Variants in BACH2 observed in about 807,000 individuals in gnomAD.
BACH2 encodes the protein transcription regulator protein BACH2.
BACH2 carries 5 observed loss-of-function variants against 61.8 expected under a neutral mutation model. The ratio of observed to expected loss-of-function variants is 0.08; its 90% CI spans 0.04 to 0.17. The LOEUF (loss-of-function observed/expected upper bound fraction) is 0.17. BACH2 is among the 10% of genes least tolerant of loss of function. The pLI is 1.00. For missense variants in BACH2, 824 were observed against 1,091.1 expected (o/e 0.76, Z 3.45); for synonymous variants, 446 against 440.1 (o/e 1.01, Z -0.17).
chr6:90,057,681 T>C (rs182812083), intron 5 of BACH2, among the ~76,000 whole-genome samples: 286 of 152,258 alleles, frequency 1.9e-3, no homozygotes, highest in African/African-American at 6.4e-3. Flanking sequence ...AAAAAGAGAA[T>C]TTTAGACCAA....
chr6:90,260,152 A>G (rs76937856), intron 2 of BACH2, among the ~76,000 whole-genome samples: 3,102 of 152,022 alleles, frequency 0.02, 128 homozygotes, highest in African/African-American at 0.071. Context: ...TATTCATTTG[A>G]GATCTTTCTT....
At chr6:89,975,127 G>T (rs1775579847) in intron 6 of BACH2, among the ~76,000 whole-genome samples, 1 of 152,168 alleles carries the variant, frequency 6.6e-6, no homozygotes, top group Non-Finnish European at 1.5e-5. Flanking sequence ...ATTGATTTTG[G>T]GCTTCATGAT....
At chr6:90,238,399 T>TA (rs1276426673) in intron 3 of BACH2, among the ~76,000 whole-genome samples, 1 of 152,236 alleles carries the variant, frequency 6.6e-6, no homozygotes, top group Admixed American at 6.5e-5. Context: ...TTAAATTTCT[T>TA]AGAGTATTTG....
chr6:90,139,750 G>C (rs77517160), intron 4 of BACH2, among the ~76,000 whole-genome samples: 1 of 152,140 alleles, frequency 6.6e-6, no homozygotes, highest in African/African-American at 2.4e-5. Context: ...CCACACAGGT[G>C]GGGGTGGAGG....
chr6:89,972,698 A>C (rs1562336104), intron 6 of BACH2, among the ~76,000 whole-genome samples: 1 of 152,128 alleles, frequency 6.6e-6, no homozygotes, highest in African/African-American at 2.4e-5. Context: ...GTTTCTGCCT[A>C]ATGTAGGATT....
intron 5 of BACH2, among the ~76,000 whole-genome samples, chr6:90,045,320 G>C (rs1389009546): frequency 6.6e-6 from 1 of 152,164 alleles, no homozygotes; most frequent in African/African-American, 2.4e-5. Flanking sequence ...CCTACTTCAG[G>C]CGTCTTGGTA....
chr6:90,121,698 C>T (rs1322483565), intron 4 of BACH2, among the ~76,000 whole-genome samples: 1 of 151,964 alleles, frequency 6.6e-6, no homozygotes. Context: ...GCGTCCACCA[C>T]CATACCCAGC....
intron 2 of BACH2, among the ~76,000 whole-genome samples, chr6:90,262,325 T>C (rs1022106178): frequency 4.6e-5 from 7 of 152,132 alleles, no homozygotes; most frequent in Non-Finnish European, 7.3e-5. Context: ...CAATGTTTGG[T>C]TTGGGATTCA....
intron 7 of BACH2, among the ~76,000 whole-genome samples, chr6:89,938,816 TA>T (rs1228890157): frequency 6.6e-6 from 1 of 152,148 alleles, no homozygotes; most frequent in African/African-American, 2.4e-5. Context: ...GTGTGATTCT[TA>T]GTTACAATAG....
chr6:90,217,335 C>G (rs1198278811), intron 3 of BACH2, among the ~76,000 whole-genome samples: 1 of 152,042 alleles, frequency 6.6e-6, no homozygotes, highest in African/African-American at 2.4e-5. Flanking sequence ...ATATCTAGCT[C>G]TGGAAAAAAC....
At chr6:90,026,808 C>T (rs1456627788) in intron 5 of BACH2, among the ~76,000 whole-genome samples, 1 of 152,134 alleles carries the variant, frequency 6.6e-6, no homozygotes, top group Non-Finnish European at 1.5e-5. Context: ...GAAACTTGCT[C>T]CTTTCATGCA....
chr6:90,011,932 A>ATGTG (rs71027919), intron 5 of BACH2, among the ~76,000 whole-genome samples: 22,232 of 113,624 alleles, frequency 0.2, 2,316 homozygotes, highest in East Asian at 0.29. Context: ...AAAAAAAAAT[A>ATGTG]TGTGTGTGTG....
chr6:89,970,174 A>C (rs1053159443), intron 6 of BACH2, among the ~76,000 whole-genome samples: 2 of 152,230 alleles, frequency 1.3e-5, no homozygotes, highest in African/African-American at 4.8e-5. Flanking sequence ...GAGGATGTGA[A>C]GGGCAACAGA....
intron 6 of BACH2, among the ~76,000 whole-genome samples, chr6:89,963,612 T>C (rs71556344): frequency 0.092 from 13,972 of 152,184 alleles, 747 homozygotes; most frequent in East Asian, 0.2. Flanking sequence ...GTTGAAGAGA[T>C]TGCAAAATAG....
intron 6 of BACH2, among the ~76,000 whole-genome samples, chr6:89,970,860 C>T (rs1412175607): frequency 1.3e-5 from 2 of 152,162 alleles, no homozygotes; most frequent in Non-Finnish European, 2.9e-5. Context: ...ATTTCTATAT[C>T]TGGGTCGCAG....
chr6:90,247,579 C>T (rs1313971588), intron 3 of BACH2, among the ~76,000 whole-genome samples: 2 of 152,172 alleles, frequency 1.3e-5, no homozygotes, highest in Non-Finnish European at 2.9e-5. Flanking sequence ...AGTACCATTA[C>T]TGCCTTATTT....
At position 90,154,045 on chromosome 6, in the gene BACH2, T is replaced by C. The variant is rs117654176; in HGVS notation, c.-162+52524A>G. ...CTAAAAAGAACATATCATTCCAATC[T>C]CTATCTCTTTTAAAATAGGGACTTT... On this transcript the variant is annotated intron_variant, in intron 4 of 8. Coordinates refer to ENST00000257749, the MANE Select transcript of BACH2 (RefSeq NM_021813.4). Among the ~76,000 whole-genome samples the C allele has an allele frequency of 2.3e-3, 344 of 152,302 alleles. 1 individual carries two copies. The highest frequency in any genetic ancestry group is 3.7e-3 in the Admixed American group (57 of 15,300).
intron 4 of BACH2, among the ~76,000 whole-genome samples, chr6:90,137,285 T>C (rs1222056491): frequency 6.6e-6 from 1 of 152,190 alleles, no homozygotes; most frequent in Admixed American, 6.5e-5. Context: ...GTATATGCTA[T>C]CTGAGAGGCA....
At chr6:90,295,099 G>A (rs1772298456) in intron 1 of BACH2, among the ~76,000 whole-genome samples, 1 of 151,648 alleles carries the variant, frequency 6.6e-6, no homozygotes, top group African/African-American at 2.4e-5. Context: ...CCGCCCGCGG[G>A]CCCGCCGGGA....
Sources: gnomAD v4.1 joint callset for allele counts (sites outside exome capture counted in the v4.1 genomes callset) on GRCh38, gnomAD v4.1.1 for gene constraint, MANE v1.5 for transcripts, NCBI Gene and HGNC (gene_info 2026-07-23, HGNC 2026-07-21) for gene names.